Variants in VWF observed in about 807,000 individuals in gnomAD.
The protein encoded by VWF is Factor VIII related antigen.
VWF carries 176 observed loss-of-function variants against 308.6 expected under a neutral mutation model. That is an observed-to-expected ratio of 0.57 (90% CI 0.50 to 0.65). The LOEUF (loss-of-function observed/expected upper bound fraction) is 0.65. Among genes scored for constraint, VWF ranks in the 30% least tolerant of loss-of-function variants. The pLI, the probability that VWF is intolerant of heterozygous loss-of-function variation, is 0.00. For synonymous variants in VWF, 1,385 were observed against 1,443.4 expected (o/e 0.96, Z 0.92); for missense variants, 3,146 against 3,648.2 (o/e 0.86, Z 3.55).
Position 5,996,228 on chromosome 12 carries a change from C to T in VWF, c.5843-6G>A. ...GGAGCTGCCTGTGCACACGCCTGGA[C>T]AGAGAGAAGCAGAGGATGGATGCGA... On this transcript the variant is annotated splice_polypyrimidine_tract_variant and splice_region_variant and intron_variant, in intron 34 of 51. Coordinates refer to ENST00000261405, the MANE Select transcript of VWF (RefSeq NM_000552.5). The T allele has an allele frequency of 6.2e-7, 1 of 1,606,534 alleles. No individual in the cohort carries two copies. Among genetic ancestry groups the T allele is most frequent in the Middle Eastern group, 1.8e-4 (1 of 5,452 alleles).
At chr12:6,032,981 C>T (rs537352179) in intron 20 of VWF, among the ~76,000 whole-genome samples, 11 of 150,934 alleles carry the variant, frequency 7.3e-5, no homozygotes, top group African/African-American at 2.0e-4. Flanking sequence ...GTCACACACA[C>T]GCACATGCAT....
chr12:6,044,253 C>T, intron 18 of VWF, 38 bp downstream of exon 18: 1 of 1,612,530 alleles, frequency 6.2e-7, no homozygotes. Flanking sequence ...TACAAGAAAA[C>T]TGAAGGGCAG....
In VWF at chr12:6,110,562, G is replaced by A; in HGVS notation, c.344C>T (p.Ser115Phe). The stretch of plus-strand genomic sequence containing the variant: ...CTCAGTTTCTAGATACAGCCCTTTG[G>A]AGGCATAGGGCATGGAGACTCTGGA... ...GDQRVSMPYA[S>F]KGLYLETEAG... The change falls in exon 5 of 52, where the codon TCC becomes TTC. Residue 115 changes from serine (S) to phenylalanine (F), a missense_variant. Transcript: ENST00000261405. 1.2e-6 allele frequency: 2 copies of A among 1,614,158 alleles called. No homozygotes were observed. Among genetic ancestry groups the A allele is most frequent in the Non-Finnish European group, 1.7e-6 (2 of 1,180,030 alleles).
rs1186304233 is a variant in VWF, at chr12:5,991,177, A to T, written c.6798+642T>A. ...AGTCCCAAGGGATTCTCACACACAC[A>T]CACACACACACACACACACACACAC... On this transcript the variant is annotated intron_variant, in intron 38 of 51. Coordinates refer to ENST00000261405, the MANE Select transcript of VWF (RefSeq NM_000552.5). Among the ~76,000 whole-genome samples the T allele has an allele frequency of 1.5e-3, 195 of 130,754 alleles. 3 individuals are homozygous for T. Among genetic ancestry groups the T allele is most frequent in the African/African-American group, 4.8e-3 (179 of 37,494 alleles). 85.8% of individuals were successfully genotyped at this position (130,754 alleles called of 152,430 possible).
At chr12:6,044,481 TA>T in intron 17 of VWF, 30 bp from the exon 18 acceptor site, 1 of 1,611,440 alleles carries the variant, frequency 6.2e-7, no homozygotes, top group Non-Finnish European at 8.5e-7. Flanking sequence ...AAGAGATGAT[TA>T]GTGAAGGAGA....
Position 6,056,991 on chromosome 12 carries a change from T to G in VWF, c.1811A>C (p.Tyr604Ser). 6.5e-7 allele frequency: 1 copy of G among 1,545,764 alleles called. No homozygotes were observed. Among genetic ancestry groups the G allele is most frequent in the Non-Finnish European group, 8.7e-7 (1 of 1,150,516 alleles). The change falls in exon 15 of 52, where the codon TAC (tyrosine) becomes TCC (serine). Residue 604 changes from tyrosine to serine, a missense_variant. This residue lies in a region of VWF where 1,304 missense variants were observed against 1,353.0 expected (regional missense o/e 0.96). Coordinates refer to ENST00000261405, the MANE Select transcript of VWF (RefSeq NM_000552.5). ...ACHRAVSPLP[Y>S]LRNCRYDVCS... is the part of the protein sequence containing the mutation. ...CACGTCGTAGCGGCAGTTCCGCAGGTAGGGCAGCGGGCTGACGGCACGATG... is the reference window on the plus strand; with the variant it reads ...CACGTCGTAGCGGCAGTTCCGCAGGGAGGGCAGCGGGCTGACGGCACGATG...
At position 6,046,867 on chromosome 12, in the gene VWF, G is replaced by T. The variant is rs368201459; in HGVS notation, c.2187-50C>A. On this transcript the variant is annotated intron_variant, in intron 16 of 51. Coordinates refer to ENST00000261405, the MANE Select transcript of VWF (RefSeq NM_000552.5). This position sits in a 1 kb window ranked among gnomAD's most constrained non-coding sequence, Gnocchi z 5.0. Reference sequence around the variant, plus strand: ...AGCTTCACGAGACTCGTCTATACTCGCTGCCTCCACATCTTCACCTCCCAC... The same window carrying T: ...AGCTTCACGAGACTCGTCTATACTCTCTGCCTCCACATCTTCACCTCCCAC... 2 of 1,544,016 alleles carry T rather than the reference G, an allele frequency of 1.3e-6. No individual in the cohort carries two copies. The highest frequency in any genetic ancestry group is 2.3e-5 in the East Asian group (1 of 44,294).
At chr12:5,949,566 A>G (rs1331341835) in intron 51 of VWF, among the ~76,000 whole-genome samples, 1 of 152,148 alleles carries the variant, frequency 6.6e-6, no homozygotes, top group Non-Finnish European at 1.5e-5. Context: ...TTTTCTGTAA[A>G]GGATTTGCTG....
At chr12:6,007,922 A>C (rs1273369730) in intron 34 of VWF, among the ~76,000 whole-genome samples, 1 of 152,164 alleles carries the variant, frequency 6.6e-6, no homozygotes, top group Non-Finnish European at 1.5e-5. Context: ...GAACAACTAC[A>C]CACTAACAAA....
chr12:6,016,637 C>CA lies in VWF; in HGVS notation c.5189dup (p.Ser1731ValfsTer12). ...TGATGCTTCCATACTGCAGCACTGA[C>CA]ACCTGAGTGAGACGAGGCCCTAAAC... is the stretch of plus-strand genomic sequence containing the variant. On this transcript the variant is annotated frameshift_variant, in exon 30 of 52. Transcript: ENST00000261405. LOFTEE classifies it high-confidence loss of function. 1 of 1,614,212 alleles carries CA rather than the reference C, an allele frequency of 6.2e-7. No homozygotes were observed. The highest frequency in any genetic ancestry group is 8.5e-7 in the Non-Finnish European group (1 of 1,180,046).
intron 14 of VWF, among the ~76,000 whole-genome samples, chr12:6,057,480 TTTATTATTATTATTATTATTATTATTA>T (rs10667650): frequency 1.5e-5 from 2 of 129,576 alleles, no homozygotes; most frequent in Non-Finnish European, 3.2e-5. Flanking sequence ...GCCCGGCAAA[TTTATTATTATTATTATTATTATTATTA>T]TTATTATTAT....
At chr12:6,089,081 C>T (rs10849382) in intron 6 of VWF, among the ~76,000 whole-genome samples, 96,350 of 151,372 alleles carry the variant, frequency 0.64, 31,386 homozygotes, top group East Asian at 0.78. Context: ...TCTGCCACCC[C>T]GAACGGCCCT....
intron 31 of VWF, 41 bp downstream of exon 31, chr12:6,016,048 T>C (rs1427784315): frequency 6.2e-7 from 1 of 1,613,356 alleles, no homozygotes; most frequent in Non-Finnish European, 8.5e-7. Context: ...ATTTCTGAAG[T>C]CTCGCTCTCC....
chr12:5,995,420 T>C (rs1243616739), intron 35 of VWF, among the ~76,000 whole-genome samples: 1 of 152,218 alleles, frequency 6.6e-6, no homozygotes, highest in Non-Finnish European at 1.5e-5. Flanking sequence ...CAGGAATTCT[T>C]GCGAAGTGAG....
At chr12:6,069,772 C>G (rs1473159090) in intron 10 of VWF, among the ~76,000 whole-genome samples, 1 of 152,208 alleles carries the variant, frequency 6.6e-6, no homozygotes, top group Non-Finnish European at 1.5e-5. Flanking sequence ...ATCAAGACAT[C>G]AAGAGAATGT....
intron 10 of VWF, among the ~76,000 whole-genome samples, chr12:6,065,495 C>T (rs1451317998): frequency 6.6e-6 from 1 of 152,240 alleles, no homozygotes; most frequent in Non-Finnish European, 1.5e-5. Context: ...CCTCATTTTA[C>T]AGATGGGGCA....
chr12:5,958,713 A>G (rs1052350478), intron 47 of VWF, among the ~76,000 whole-genome samples: 3 of 152,128 alleles, frequency 2.0e-5, no homozygotes, highest in Non-Finnish European at 4.4e-5. Flanking sequence ...TAAACATAAA[A>G]GATTACTCTT....
At chr12:5,973,091 C>T (rs1192749958) in intron 43 of VWF, among the ~76,000 whole-genome samples, 1 of 152,164 alleles carries the variant, frequency 6.6e-6, no homozygotes, top group African/African-American at 2.4e-5. Context: ...TTCTCAAACC[C>T]AGACACTTTT....
intron 3 of VWF, among the ~76,000 whole-genome samples, chr12:6,113,200 T>A (rs1945329003): frequency 6.6e-6 from 1 of 152,070 alleles, no homozygotes; most frequent in Non-Finnish European, 1.5e-5. Flanking sequence ...GAACAGTTTT[T>A]ACAGCAAGCA....
Sources: allele counts gnomAD v4.1 joint callset (sites outside exome capture counted in the v4.1 genomes callset), GRCh38; gene constraint gnomAD v4.1.1; regional missense constraint gnomAD v4.1.1; non-coding constraint Gnocchi (gnomAD v3.1); transcripts MANE v1.5; gene names NCBI Gene and HGNC (gene_info 2026-07-23, HGNC 2026-07-21).